EIF3B: variants seen among roughly 807,000 people sequenced by gnomAD.
The protein encoded by EIF3B is eukaryotic translation initiation factor 3 subunit B, also known as eukaryotic translation initiation factor 3 subunit 9.
In EIF3B, 10 loss-of-function variants were observed where a neutral mutation model predicts 104.6. The observed-to-expected ratio is 0.10, with a 90% CI of 0.06 to 0.16. EIF3B has a LOEUF of 0.16. EIF3B is among the 10% of genes least tolerant of loss of function. EIF3B has a pLI of 1.00. For missense variants in EIF3B, 1,014 were observed against 1,087.9 expected, an observed-to-expected ratio of 0.93 and a Z score of 0.96; for synonymous variants, 542 against 417.2, an observed-to-expected ratio of 1.30 and a Z score of -3.65.
At position 2,355,320 on chromosome 7, in the gene EIF3B, C is replaced by G; in HGVS notation, c.399C>G (p.Gly133=). The G allele has an allele frequency of 6.5e-7, 1 of 1,540,784 alleles. No homozygotes were observed. Among genetic ancestry groups the G allele is most frequent in the Non-Finnish European group, 8.7e-7 (1 of 1,150,802 alleles). The change falls in exon 1 of 19, where the codon GGC becomes GGG. Residue 133 remains glycine (G), a synonymous_variant. Coordinates refer to ENST00000360876, the MANE Select transcript of EIF3B (RefSeq NM_001037283.2). ...AVSEDAGGNE[G]RAAEAEPRAL... ...CCGAGGACGCGGGAGGAAACGAGGGCAGAGCGGCCGAGGCCGAACCCCGGG... is the reference window on the plus strand; with the variant it reads ...CCGAGGACGCGGGAGGAAACGAGGGGAGAGCGGCCGAGGCCGAACCCCGGG...
intron 11 of EIF3B, 135 bp from the exon 12 acceptor site, chr7:2,372,538 C>A: frequency 2.7e-6 from 3 of 1,101,566 alleles, no homozygotes; most frequent in Non-Finnish European, 3.9e-6. Flanking sequence ...CTGTTGCTTG[C>A]TCTCCCGTCC....
At chr7:2,361,907 G>T (rs947735088) in intron 2 of EIF3B, among the ~76,000 whole-genome samples, 4 of 151,930 alleles carry the variant, frequency 2.6e-5, no homozygotes, top group African/African-American at 9.7e-5. Flanking sequence ...CTCCCAAGTA[G>T]CCGGGATTAC....
At chr7:2,375,926 G>A (rs1780605356) in intron 14 of EIF3B, 1 of 180,188 alleles carries the variant, frequency 5.5e-6, no homozygotes. Context: ...CAAAACTGCT[G>A]GTTAAGTTTG....
At chr7:2,372,916 A>G (rs943170110) in intron 12 of EIF3B, 121 bp downstream of exon 12, 23 of 1,156,114 alleles carry the variant, frequency 2.0e-5, no homozygotes, top group Admixed American at 1.6e-4. Flanking sequence ...GGACTCGCCT[A>G]TGAATGGGGT....
At chr7:2,365,138 T>TG (rs1422625912) in intron 6 of EIF3B, among the ~76,000 whole-genome samples, 1 of 152,240 alleles carries the variant, frequency 6.6e-6, no homozygotes, top group Non-Finnish European at 1.5e-5. Context: ...TTTGTAGAGA[T>TG]GGGGGTCTCA....
At chr7:2,373,978 G>C (rs1780500429) in intron 12 of EIF3B, 1 of 152,326 alleles carries the variant, frequency 6.6e-6, no homozygotes, top group African/African-American at 2.4e-5. Flanking sequence ...GAGGCCACAG[G>C]TTGTCAGCTC....
chr7:2,363,509 G>A, intron 4 of EIF3B, 123 bp from the exon 5 acceptor site: 1 of 869,154 alleles, frequency 1.2e-6, no homozygotes, highest in South Asian at 1.8e-5. Flanking sequence ...TTGACTTGAG[G>A]TTAGGGTGTG....
Position 2,372,177 on chromosome 7 carries a change from G to C in EIF3B, c.1687+328G>C, listed in dbSNP as rs566399727. 5 of 317,270 alleles carry C rather than the reference G, an allele frequency of 1.6e-5. No homozygotes were observed. The South Asian group carries it at 2.4e-4, about 15-fold the overall frequency. The allele number at this position is 317,270 out of a possible 1,614,324, so 19.7% of individuals were successfully genotyped here. On this transcript the variant is annotated intron_variant, in intron 11 of 18. Transcript: ENST00000360876. Reference sequence around the variant, plus strand: ...ACTGAGATTGCGCCCCTGCACTCCAGCCTGGGTGACGGAGCAAGACCCTGT... The same window carrying C: ...ACTGAGATTGCGCCCCTGCACTCCACCCTGGGTGACGGAGCAAGACCCTGT...
intron 9 of EIF3B, among the ~76,000 whole-genome samples, chr7:2,367,967 C>T (rs1460071840): frequency 6.7e-6 from 1 of 149,312 alleles, no homozygotes; most frequent in East Asian, 2.0e-4. Context: ...CTTAGACTCC[C>T]AAGTAGCTGG....
Position 2,379,157 on chromosome 7 carries a change from C to G in EIF3B, c.2256C>G (p.Thr752=), listed in dbSNP as rs908629172. 6.2e-7 allele frequency: 1 copy of G among 1,613,770 alleles called. No homozygotes were observed. Among genetic ancestry groups the G allele is most frequent in the Non-Finnish European group, 8.5e-7 (1 of 1,179,968 alleles). Residue 752 remains threonine (T), a synonymous_variant, in exon 17 of 19, where the codon ACC becomes ACG. Coordinates refer to ENST00000360876, the MANE Select transcript of EIF3B (RefSeq NM_001037283.2). ...ASKELVERRR[T]MMEDFRKYRK... ...AGGAATTGGTGGAGAGAAGGCGCAC[C>G]ATGATGGAAGATTTCCGGAAGTACC...
At position 2,364,520 on chromosome 7, in the gene EIF3B, C is replaced by A. The variant is rs1355810860; in HGVS notation, c.1148C>A (p.Pro383His). 2 of 1,612,072 alleles carry A rather than the reference C, an allele frequency of 1.2e-6. No homozygotes were observed. Among genetic ancestry groups the A allele is most frequent in the East Asian group, 2.2e-5 (1 of 44,826 alleles). ...HQGVQLIDFS[P>H]CERYLVTFSP... ...GGGGTTCAGCTTATTGACTTCTCAC[C>A]TTGTGAAAGGTAAGCTGCTAGAAAA... Residue 383 changes from proline to histidine, a missense_variant, in exon 6 of 19, where the codon CCT becomes CAT. Coordinates refer to ENST00000360876, the MANE Select transcript of EIF3B (RefSeq NM_001037283.2).
intron 15 of EIF3B, chr7:2,378,287 G>A (rs1304765494): frequency 8.7e-6 from 2 of 229,528 alleles, no homozygotes; most frequent in Admixed American, 1.1e-4. Context: ...ATGACCCTCG[G>A]TGTCATGGAG....
chr7:2,368,599 G>C (rs574408426), intron 9 of EIF3B, among the ~76,000 whole-genome samples: 1 of 152,142 alleles, frequency 6.6e-6, no homozygotes. Flanking sequence ...GCCTTGAGTC[G>C]GCTTCCTTCC....
At chr7:2,369,286 G>A (rs917402747) in intron 9 of EIF3B, among the ~76,000 whole-genome samples, 186 bp from the exon 10 acceptor site, 2 of 152,220 alleles carry the variant, frequency 1.3e-5, no homozygotes, top group African/African-American at 4.8e-5. Context: ...GTGCCACAGG[G>A]TCCTGGCGAG....
chr7:2,374,842 C>A (rs953965550), intron 13 of EIF3B: 29 of 435,358 alleles, frequency 6.7e-5, no homozygotes, highest in Admixed American at 1.5e-4. Flanking sequence ...GTGAAGTGAC[C>A]AGGCAGACCT....
intron 2 of EIF3B, among the ~76,000 whole-genome samples, chr7:2,361,230 C>G (rs1481979809): frequency 6.6e-6 from 1 of 152,076 alleles, no homozygotes; most frequent in African/African-American, 2.4e-5. Flanking sequence ...GTACTCCAGT[C>G]TGGGTGACAG....
intron 1 of EIF3B, among the ~76,000 whole-genome samples, chr7:2,358,132 T>C (rs1779550501): frequency 6.6e-6 from 1 of 152,208 alleles, no homozygotes; most frequent in Non-Finnish European, 1.5e-5. Flanking sequence ...TCTCATTCTC[T>C]TGCTCAGACT....
chr7:2,379,540 G>T (rs1242194170), intron 18 of EIF3B, 29 bp downstream of exon 18: 4 of 1,413,310 alleles, frequency 2.8e-6, no homozygotes, highest in Non-Finnish European at 2.9e-6. Context: ...CGCGATGGGG[G>T]TCCTGTTGGC....
rs542501902 is a variant in EIF3B at position 2,379,166 on chromosome 7, A to G, written c.2265A>G (p.Glu755=). Residue 755 remains glutamate, a synonymous_variant, in exon 17 of 19, where the codon GAA becomes GAG. Transcript: ENST00000360876. ...ELVERRRTMM[E]DFRKYRKMAQ... is the part of the protein sequence containing the mutation. ...TGGAGAGAAGGCGCACCATGATGGAAGATTTCCGGAAGTACCGGAAAATGG... is the reference window on the plus strand; with the variant it reads ...TGGAGAGAAGGCGCACCATGATGGAGGATTTCCGGAAGTACCGGAAAATGG... The G allele has an allele frequency of 1.2e-6, 2 of 1,614,024 alleles. No homozygotes were observed. Among genetic ancestry groups the G allele is most frequent in the African/African-American group, 2.7e-5 (2 of 75,020 alleles).
Sources: allele counts gnomAD v4.1 joint callset (sites outside exome capture counted in the v4.1 genomes callset), GRCh38; gene constraint gnomAD v4.1.1; transcripts MANE v1.5; gene names NCBI Gene and HGNC (gene_info 2026-07-23, HGNC 2026-07-21).